CDH17: variants seen among roughly 807,000 people sequenced by gnomAD.
The protein encoded by CDH17 is cadherin 17.
Under a neutral mutation model 86.3 loss-of-function variants are expected in CDH17, and 67 were observed. The ratio of observed to expected loss-of-function variants is 0.78; its 90% CI spans 0.64 to 0.95. CDH17 has a LOEUF of 0.95. Ranked by LOEUF, CDH17 falls within the 40% of genes least tolerant of loss-of-function variation. CDH17 has a pLI of 0.00. For missense variants in CDH17, 993 were observed against 1,017.6 expected (o/e 0.98, Z 0.33); for synonymous variants, 367 against 366.4 (o/e 1.00, Z -0.02).
chr8:94,179,775 A>T (rs1813442994), intron 3 of CDH17, among the ~76,000 whole-genome samples: 1 of 152,220 alleles, frequency 6.6e-6, no homozygotes, highest in South Asian at 2.1e-4. Context: ...CAGACATGAC[A>T]AAGAATACAG....
At chr8:94,141,256 C>A (rs1812632616) in intron 15 of CDH17, among the ~76,000 whole-genome samples, 1 of 130,472 alleles carries the variant, frequency 7.7e-6, no homozygotes, top group Non-Finnish European at 1.8e-5. Flanking sequence ...AATTTAATAT[C>A]CATTTCCAAT....
intron 15 of CDH17, among the ~76,000 whole-genome samples, chr8:94,144,250 G>C (rs1812692337): frequency 6.6e-6 from 1 of 152,212 alleles, no homozygotes; most frequent in Non-Finnish European, 1.5e-5. Flanking sequence ...ACGTCGCACT[G>C]ACAGATTAAG....
At chr8:94,147,335 G>T (rs1216204469) in intron 14 of CDH17, among the ~76,000 whole-genome samples, 1 of 152,184 alleles carries the variant, frequency 6.6e-6, no homozygotes, top group Non-Finnish European at 1.5e-5. Context: ...TCCCAAGCTG[G>T]CACACCGTTC....
intron 3 of CDH17, among the ~76,000 whole-genome samples, chr8:94,184,961 G>C (rs530844859): frequency 6.6e-6 from 1 of 152,126 alleles, no homozygotes; most frequent in African/African-American, 2.4e-5. Flanking sequence ...GAGAGGATCT[G>C]TACACCTACC....
At chr8:94,145,494 A>G (rs951543329) in intron 15 of CDH17, among the ~76,000 whole-genome samples, 2 of 152,192 alleles carry the variant, frequency 1.3e-5, no homozygotes, top group East Asian at 3.8e-4. Context: ...AGATTATAAT[A>G]GGGCATGAAA....
At chr8:94,184,316 G>GA (rs968324643) in intron 3 of CDH17, among the ~76,000 whole-genome samples, 20 of 151,492 alleles carry the variant, frequency 1.3e-4, no homozygotes, top group Non-Finnish European at 2.9e-4. Context: ...AGCCATAAAT[G>GA]AAAAAAAATG....
At chr8:94,175,814 AG>A (rs1586263011) in intron 5 of CDH17, among the ~76,000 whole-genome samples, 1 of 152,172 alleles carries the variant, frequency 6.6e-6, no homozygotes, top group East Asian at 1.9e-4. Context: ...AAGAAGATAC[AG>A]GGGAGTAAGC....
chr8:94,211,004 G>A (rs1221318174), upstream of CDH17, among the ~76,000 whole-genome samples: 3 of 136,214 alleles, frequency 2.2e-5, no homozygotes, highest in Non-Finnish European at 4.6e-5. Context: ...CTAGCCGACA[G>A]AGCAAGACTG....
chr8:94,135,113 C>T (rs957493514), intron 15 of CDH17, among the ~76,000 whole-genome samples: 22 of 151,928 alleles, frequency 1.4e-4, no homozygotes, highest in African/African-American at 2.7e-4. Context: ...TGCTATGTGG[C>T]ACTGAGAAGA....
rs1812330966 is a variant in CDH17, at chr8:94,127,819, AAGT to A, written c.*418_*420del. The stretch of plus-strand genomic sequence containing the variant: ...AATGTCTATAGCACATGAAATATCT[AAGT>A]AGGTGGGTGCAGTGGTTCATGCCTG... On this transcript the variant is annotated 3_prime_UTR_variant, in exon 18 of 18. Transcript: ENST00000027335. 3.0e-5 allele frequency: 5 copies of A among 166,598 alleles called. No individual in the cohort carries two copies. In the South Asian group the frequency reaches 8.1e-4, roughly 27 times the overall value. The allele number at this position is 166,598 out of a possible 1,614,324, so 10.3% of individuals were successfully genotyped here. A position where few individuals can be genotyped will look rare whatever the true frequency, so the allele number is the denominator to read the frequency against.
chr8:94,186,800 C>T (rs1034920317), intron 3 of CDH17, among the ~76,000 whole-genome samples: 3 of 152,224 alleles, frequency 2.0e-5, no homozygotes, highest in Non-Finnish European at 4.4e-5. Context: ...AATCTAGTTA[C>T]GGTTTTCCTT....
intron 17 of CDH17, among the ~76,000 whole-genome samples, chr8:94,129,086 G>A (rs1812358170): frequency 6.6e-6 from 1 of 152,154 alleles, no homozygotes; most frequent in Non-Finnish European, 1.5e-5. Context: ...TTGAAAATAA[G>A]GTCATGAAAC....
intron 1 of CDH17, among the ~76,000 whole-genome samples, chr8:94,214,814 T>C (rs1814170747): frequency 6.6e-6 from 1 of 151,534 alleles, no homozygotes. Flanking sequence ...AATCAAAAAA[T>C]AAAGGATCTG....
At chr8:94,168,301 GTTT>G (rs34513341) in intron 9 of CDH17, among the ~76,000 whole-genome samples, 1 of 121,646 alleles carries the variant, frequency 8.2e-6, no homozygotes. Context: ...AATTTTTGCA[GTTT>G]TTTTTTTTTT....
rs1371042542 is a variant in CDH17 at position 94,170,709 on chromosome 8, T to A, written c.915+145A>T. ...GAGATGGGTCAGAATTATGTGAAAA[T>A]TATCATGTCTTTGAAAACCAATAAT... On this transcript the variant is annotated intron_variant, in intron 8 of 17. Coordinates refer to ENST00000027335, the MANE Select transcript of CDH17 (RefSeq NM_004063.4). 18 of 1,339,166 alleles carry A rather than the reference T, an allele frequency of 1.3e-5. No individual in the cohort carries two copies. The East Asian group carries it at 4.2e-4, about 31-fold the overall frequency. 83.0% of individuals were successfully genotyped at this position (1,339,166 alleles called of 1,614,324 possible).
At chr8:94,215,020 G>A (rs983705007) in intron 1 of CDH17, among the ~76,000 whole-genome samples, 4 of 152,212 alleles carry the variant, frequency 2.6e-5, no homozygotes, top group Non-Finnish European at 5.9e-5. Context: ...GGAGAAATTA[G>A]AATCCTCATA....
At chr8:94,212,989 G>A (rs971990823), upstream of CDH17, among the ~76,000 whole-genome samples, 1 of 152,174 alleles carries the variant, frequency 6.6e-6, no homozygotes, top group South Asian at 2.1e-4. Flanking sequence ...CCTGGTTCAG[G>A]GTATGTCCCT....
At chr8:94,159,313 G>A (rs1813003596) in intron 12 of CDH17, among the ~76,000 whole-genome samples, 1 of 152,210 alleles carries the variant, frequency 6.6e-6, no homozygotes, top group African/African-American at 2.4e-5. Context: ...GAGACAGAAT[G>A]AGAGCCCGTG....
At chr8:94,161,087 A>G (rs1813042466) in intron 11 of CDH17, among the ~76,000 whole-genome samples, 1 of 152,228 alleles carries the variant, frequency 6.6e-6, no homozygotes, top group South Asian at 2.1e-4. Context: ...CACTCTCTGT[A>G]GCCAGATTAG....
Sources: allele counts gnomAD v4.1 joint callset (sites outside exome capture counted in the v4.1 genomes callset), GRCh38; gene constraint gnomAD v4.1.1; transcripts MANE v1.5; gene names NCBI Gene and HGNC (gene_info 2026-07-23, HGNC 2026-07-21).